The following NKAIN1 variants were observed in gnomAD, a reference collection of about 807,000 sequenced individuals.
The protein encoded by NKAIN1 is sodium/potassium-transporting ATPase subunit beta-1-interacting protein 1.
NKAIN1 carries 13 observed loss-of-function variants against 31.6 expected under a neutral mutation model. The ratio of observed to expected loss-of-function variants is 0.41; its 90% CI spans 0.27 to 0.65. NKAIN1 has a LOEUF of 0.65. Ranked by LOEUF, NKAIN1 falls within the 30% of genes least tolerant of loss-of-function variation. NKAIN1 has a pLI of 0.30. For missense variants in NKAIN1, 193 were observed against 262.2 expected, an observed-to-expected ratio of 0.74 and a Z score of 1.82; for synonymous variants, 104 against 109.0, an observed-to-expected ratio of 0.95 and a Z score of 0.28.
chr1:31,188,038 G>A lies in NKAIN1; in HGVS notation c.192+12C>T. ...GAGGAGTTGGCTTGGGAAGGGGCTA[G>A]GTGAGCCGTACCAGGATGAGGTACC... is the stretch of plus-strand genomic sequence containing the variant. On this transcript the variant is annotated intron_variant, in intron 2 of 6. Coordinates refer to ENST00000373736, the MANE Select transcript of NKAIN1 (RefSeq NM_024522.3). 6.4e-7 allele frequency: 1 copy of A among 1,551,842 alleles called. No individual in the cohort carries two copies. The highest frequency in any genetic ancestry group is 8.7e-7 in the Non-Finnish European group (1 of 1,147,112).
In NKAIN1 at chr1:31,182,550, AAC is replaced by A; in HGVS notation, c.510_511del (p.Phe171ProfsTer8). Reference sequence around the variant, plus strand: ...CTCACAGCTGTCCTCCTCCTCCAGGAACACTTTGCTCACGTAGCAGGCGAACA... The same window carrying A: ...CTCACAGCTGTCCTCCTCCTCCAGGAACTTTGCTCACGTAGCAGGCGAACA... On this transcript the variant is annotated frameshift_variant, in exon 5 of 7. Coordinates refer to ENST00000373736, the MANE Select transcript of NKAIN1 (RefSeq NM_024522.3). LOFTEE classifies it high-confidence loss of function. The A allele has an allele frequency of 6.2e-7, 1 of 1,614,108 alleles. No homozygotes were observed. Among genetic ancestry groups the A allele is most frequent in the Non-Finnish European group, 8.5e-7 (1 of 1,179,988 alleles).
chr1:31,184,732 T>C (rs759959209), intron 3 of NKAIN1, among the ~76,000 whole-genome samples: 1 of 152,206 alleles, frequency 6.6e-6, no homozygotes, highest in Non-Finnish European at 1.5e-5. Flanking sequence ...TATCTAAAAA[T>C]AGAAGTTGTG....
chr1:31,207,873 C>A (rs2148358001), intron 1 of NKAIN1, among the ~76,000 whole-genome samples: 1 of 152,252 alleles, frequency 6.6e-6, no homozygotes, highest in South Asian at 2.1e-4. Flanking sequence ...ATTTTACATA[C>A]ATGGATACTG....
rs568437066 is a variant in NKAIN1, at chr1:31,186,780, T to C, written c.192+1270A>G. Among the ~76,000 whole-genome samples, 26 of 152,286 alleles carry C rather than the reference T, an allele frequency of 1.7e-4. No homozygotes were observed. In the South Asian group the frequency reaches 5.2e-3, roughly 30 times the overall value. ...CCCGCTCCAGCAATCTTTCCATCTG[T>C]CTGGAAGGAGAGGGCTGGGATGGGA... On this transcript the variant is annotated intron_variant, in intron 2 of 6. Transcript: ENST00000373736.
At chr1:31,219,420 G>A (rs932311842) in intron 1 of NKAIN1, among the ~76,000 whole-genome samples, 11 of 152,264 alleles carry the variant, frequency 7.2e-5, no homozygotes, top group Admixed American at 1.3e-4. Flanking sequence ...GAGAAGCCCC[G>A]GCACGCCCTG....
At chr1:31,204,783 G>C (rs1645410600) in intron 1 of NKAIN1, among the ~76,000 whole-genome samples, 2 of 152,198 alleles carry the variant, frequency 1.3e-5, no homozygotes, top group African/African-American at 4.8e-5. Flanking sequence ...CTTAGGTAGA[G>C]AGAATTAATT....
At chr1:31,213,537 CAG>C (rs1313459034) in intron 1 of NKAIN1, among the ~76,000 whole-genome samples, 3 of 152,170 alleles carry the variant, frequency 2.0e-5, no homozygotes, top group Non-Finnish European at 4.4e-5. Context: ...CAGCTGGACA[CAG>C]AGATATCATG....
rs1353300906 is a variant in NKAIN1, at chr1:31,233,929, C to T, written c.54+5565G>A. Among the ~76,000 whole-genome samples, 2 of 152,200 alleles carry T rather than the reference C, an allele frequency of 1.3e-5. No homozygotes were observed. Among genetic ancestry groups the T allele is most frequent in the East Asian group, 3.9e-4 (2 of 5,186 alleles). ...TGGGAGTCACAAAGCAAGGCCTGAT[C>T]CCAGATGTAGTGCTCCTAGCCCCTG... On this transcript the variant is annotated intron_variant, in intron 1 of 6. Transcript: ENST00000373736. This position sits in a 1 kb window ranked among gnomAD's most constrained non-coding sequence, Gnocchi z 4.0.
rs1282524008 is a variant in NKAIN1 at position 31,206,404 on chromosome 1, TTTTTA to T, written c.55-18222_55-18218del. 4.0e-5 allele frequency among the ~76,000 whole-genome samples: 6 copies of T among 151,848 alleles called. No individual in the cohort carries two copies. In the South Asian group the frequency reaches 6.2e-4, roughly 16 times the overall value. ...GTTATATAGTAGTATGTGGTTTTTATTTTTATTTTATTTTTTAAATTTTTATTTAT... is the reference window on the plus strand; with the variant it reads ...GTTATATAGTAGTATGTGGTTTTTATTTTTATTTTTTAAATTTTTATTTAT... On this transcript the variant is annotated intron_variant, in intron 1 of 6. Transcript: ENST00000373736.
At chr1:31,235,026 G>A (rs1490197894) in intron 1 of NKAIN1, among the ~76,000 whole-genome samples, 1 of 152,170 alleles carries the variant, frequency 6.6e-6, no homozygotes, top group African/African-American at 2.4e-5. Flanking sequence ...AAGAGCTAAC[G>A]TTTATTGATC....
chr1:31,230,624 G>C (rs971674762), intron 1 of NKAIN1, among the ~76,000 whole-genome samples: 4 of 152,200 alleles, frequency 2.6e-5, no homozygotes, highest in African/African-American at 9.7e-5. Flanking sequence ...CCAGGGCAGG[G>C]AAAGCCAGGC....
chr1:31,234,702 G>T (rs187969559), intron 1 of NKAIN1, among the ~76,000 whole-genome samples: 22 of 152,192 alleles, frequency 1.4e-4, no homozygotes, highest in Admixed American at 1.4e-3. Flanking sequence ...GCACTCACTG[G>T]CTCACAGTGC....
chr1:31,196,697 AAAATAAATAAAT>A (rs142670426), intron 1 of NKAIN1, among the ~76,000 whole-genome samples: 11,001 of 145,144 alleles, frequency 0.076, 626 homozygotes, highest in Admixed American at 0.16. Context: ...TTCCATCTCA[AAAATAAATAAAT>A]AAATAAATAA....
chr1:31,180,465 T>G lies in NKAIN1; in HGVS notation c.*1238A>C, dbSNP rs1386385208. The G allele has an allele frequency of 6.6e-6, 1 of 152,344 alleles. No individual in the cohort carries two copies. The highest frequency in any genetic ancestry group is 2.4e-5 in the African/African-American group (1 of 41,440). 9.4% of individuals were successfully genotyped at this position (152,344 alleles called of 1,614,324 possible). ...GACTCCCCGACTACTCACACCCCCATCTGCCCCTTCAGAACTCCTTCTGGG... is the reference window on the plus strand; with the variant it reads ...GACTCCCCGACTACTCACACCCCCAGCTGCCCCTTCAGAACTCCTTCTGGG... On this transcript the variant is annotated 3_prime_UTR_variant, in exon 7 of 7. Coordinates refer to ENST00000373736, the MANE Select transcript of NKAIN1 (RefSeq NM_024522.3).
intron 1 of NKAIN1, among the ~76,000 whole-genome samples, chr1:31,215,288 C>T (rs538777554): frequency 1.3e-5 from 2 of 152,106 alleles, no homozygotes; most frequent in Non-Finnish European, 2.9e-5. Flanking sequence ...CAGCAGTACT[C>T]CCCCCAACCC....
At chr1:31,237,762 C>T (rs1645702953) in intron 1 of NKAIN1, among the ~76,000 whole-genome samples, 3 of 152,068 alleles carry the variant, frequency 2.0e-5, no homozygotes, top group Admixed American at 2.0e-4. Flanking sequence ...TCCCAAAGTG[C>T]TGGGGTTACA....
At chr1:31,194,176 A>C (rs1645306255) in intron 1 of NKAIN1, among the ~76,000 whole-genome samples, 1 of 152,090 alleles carries the variant, frequency 6.6e-6, no homozygotes, top group Non-Finnish European at 1.5e-5. Flanking sequence ...ATCTCATCCC[A>C]GCCACACAGA....
chr1:31,218,068 CTTTTTTT>C lies in NKAIN1; in HGVS notation c.54+21419_54+21425del, dbSNP rs1553163597. Among the ~76,000 whole-genome samples, 75 of 132,888 alleles carry C rather than the reference CTTTTTTT, an allele frequency of 5.6e-4. 1 individual carries two copies. The highest frequency in any genetic ancestry group is 2.1e-3 in the African/African-American group (71 of 34,234). The allele number at this position is 132,888 out of a possible 152,430, so 87.2% of individuals were successfully genotyped here. A position where few individuals can be genotyped will look rare whatever the true frequency, so the allele number is the denominator to read the frequency against. ...TCTTTCTTTCTTTCTTTCTTTCTTT[CTTTTTTT>C]TTTTTGAGATGGAGTCTCGCTCTGT... On this transcript the variant is annotated intron_variant, in intron 1 of 6. Coordinates refer to ENST00000373736, the MANE Select transcript of NKAIN1 (RefSeq NM_024522.3).
rs1233196414 is a variant in NKAIN1 at position 31,233,904 on chromosome 1, T to C, written c.54+5590A>G. On this transcript the variant is annotated intron_variant, in intron 1 of 6. Coordinates refer to ENST00000373736, the MANE Select transcript of NKAIN1 (RefSeq NM_024522.3). This position sits in a 1 kb window ranked among gnomAD's most constrained non-coding sequence, Gnocchi z 4.0. The stretch of plus-strand genomic sequence containing the variant: ...GGCTCAGAGAGGGTGCAGGACTTCC[T>C]GGGAGTCACAAAGCAAGGCCTGATC... Among the ~76,000 whole-genome samples, 2 of 152,252 alleles carry C rather than the reference T, an allele frequency of 1.3e-5. No homozygotes were observed. Among genetic ancestry groups the C allele is most frequent in the African/African-American group, 4.8e-5 (2 of 41,470 alleles).
Sources: gnomAD v4.1 joint callset for allele counts (sites outside exome capture counted in the v4.1 genomes callset) on GRCh38, gnomAD v4.1.1 for gene constraint, Gnocchi (gnomAD v3.1) non-coding constraint, MANE v1.5 for transcripts, NCBI Gene and HGNC (gene_info 2026-07-23, HGNC 2026-07-21) for gene names.